The following FRMD6 variants were observed in gnomAD, a reference collection of about 807,000 sequenced individuals.
FRMD6 encodes the protein FERM domain containing 6, also known as FERM domain-containing protein 6.
FRMD6 carries 37 observed loss-of-function variants against 73.2 expected under a neutral mutation model. That is an observed-to-expected ratio of 0.51 (90% CI 0.39 to 0.66). The LOEUF is 0.66. Among genes scored for constraint, FRMD6 ranks in the 30% least tolerant of loss-of-function variants. FRMD6 has a pLI of 0.00. For missense variants in FRMD6, 714 were observed against 780.5 expected, an observed-to-expected ratio of 0.91 and a Z score of 1.02; for synonymous variants, 273 against 282.2, an observed-to-expected ratio of 0.97 and a Z score of 0.33.
the FRMD6 span, among the ~76,000 whole-genome samples, chr14:51,465,259 T>C: frequency 6.6e-6 from 1 of 152,206 alleles, no homozygotes; most frequent in South Asian, 2.1e-4. Flanking sequence ...CTAATAAGTT[T>C]ACTGAAAAAA....
At chr14:51,470,620 A>G in the FRMD6 span, among the ~76,000 whole-genome samples, 3 of 151,942 alleles carry the variant, frequency 2.0e-5, no homozygotes, top group Non-Finnish European at 4.4e-5. Context: ...TATTTTTATC[A>G]TTCTCTGATT....
chr14:51,487,821 C>G (rs1189133510), upstream of FRMD6, among the ~76,000 whole-genome samples: 8 of 152,148 alleles, frequency 5.3e-5, no homozygotes, highest in Non-Finnish European at 7.4e-5. Flanking sequence ...GAAATCCCCC[C>G]ACTGATACTG....
intron 6 of FRMD6, 96 bp downstream of exon 6, chr14:51,705,031 A>C: frequency 8.7e-7 from 1 of 1,148,980 alleles, no homozygotes; most frequent in Non-Finnish European, 1.2e-6. Flanking sequence ...GGGAACACAG[A>C]TGTTCTGTGG....
At chr14:51,452,211 T>C in the FRMD6 span, among the ~76,000 whole-genome samples, 1 of 152,022 alleles carries the variant, frequency 6.6e-6, no homozygotes, top group Non-Finnish European at 1.5e-5. Flanking sequence ...ATTTAGGAAA[T>C]TAAATTAGCT....
intron 2 of FRMD6, among the ~76,000 whole-genome samples, chr14:51,592,336 G>A (rs1338142370): frequency 6.6e-6 from 1 of 152,090 alleles, no homozygotes; most frequent in Non-Finnish European, 1.5e-5. Context: ...AAAGGCATTT[G>A]GGTTATTGCG....
At chr14:51,720,450 G>T in intron 11 of FRMD6, 60 bp downstream of exon 11, 1 of 1,519,764 alleles carries the variant, frequency 6.6e-7, no homozygotes, top group Non-Finnish European at 9.1e-7. Flanking sequence ...TCAAGCATTG[G>T]TTCTATAGAA....
At chr14:51,477,736 T>C in the FRMD6 span, among the ~76,000 whole-genome samples, 1 of 68,682 alleles carries the variant, frequency 1.5e-5, no homozygotes, top group African/African-American at 6.9e-5. Flanking sequence ...CTTTTCTTTT[T>C]CTTTTTTTTT....
intron 1 of FRMD6, among the ~76,000 whole-genome samples, chr14:51,537,869 T>TG (rs1885983997): frequency 6.6e-6 from 1 of 152,240 alleles, no homozygotes; most frequent in Non-Finnish European, 1.5e-5. Flanking sequence ...TTTTTATTGC[T>TG]GACTTTTAAG....
intron 2 of FRMD6, among the ~76,000 whole-genome samples, chr14:51,576,593 C>T (rs1888417555): frequency 6.6e-6 from 1 of 152,138 alleles, no homozygotes; most frequent in African/African-American, 2.4e-5. Flanking sequence ...GAGTGGATAT[C>T]ACCTTGTACT....
chr14:51,409,054 C>T, the FRMD6 span, among the ~76,000 whole-genome samples: 1 of 152,156 alleles, frequency 6.6e-6, no homozygotes, highest in Admixed American at 6.5e-5. Flanking sequence ...TTCTCACCAT[C>T]CCACAGTTTG....
At chr14:51,524,236 G>A (rs1885104632) in intron 1 of FRMD6, among the ~76,000 whole-genome samples, 1 of 151,994 alleles carries the variant, frequency 6.6e-6, no homozygotes, top group South Asian at 2.1e-4. Context: ...ATTTTTCTGT[G>A]CCCCACCTCC....
At chr14:51,703,725 G>T (rs1210564259) in intron 5 of FRMD6, among the ~76,000 whole-genome samples, 1 of 151,932 alleles carries the variant, frequency 6.6e-6, no homozygotes, top group African/African-American at 2.4e-5. Context: ...CTGTCCTAAG[G>T]GGGGAAAATT....
chr14:51,436,814 G>A, the FRMD6 span: 4 of 546,188 alleles, frequency 7.3e-6, no homozygotes, highest in Middle Eastern at 1.1e-3. Flanking sequence ...AGATGATGAT[G>A]AAGATGAAGA....
At chr14:51,618,765 T>G (rs1566506297) in intron 2 of FRMD6, among the ~76,000 whole-genome samples, 1 of 152,126 alleles carries the variant, frequency 6.6e-6, no homozygotes, top group Non-Finnish European at 1.5e-5. Context: ...ACTTGTGATT[T>G]GCTTTCAGAA....
chr14:51,696,337 A>G (rs1489963025), intron 2 of FRMD6, among the ~76,000 whole-genome samples: 1 of 151,352 alleles, frequency 6.6e-6, no homozygotes, highest in African/African-American at 2.4e-5. Flanking sequence ...TGTCCTCCAT[A>G]ATACTACTTT....
intron 1 of FRMD6, among the ~76,000 whole-genome samples, chr14:51,500,356 G>A (rs1261210898): frequency 1.3e-5 from 2 of 151,988 alleles, no homozygotes; most frequent in Admixed American, 6.6e-5. Context: ...GTGAAACCCT[G>A]TCTCTACTAA....
At chr14:51,437,682 T>C in the FRMD6 span, among the ~76,000 whole-genome samples, 1 of 152,238 alleles carries the variant, frequency 6.6e-6, no homozygotes, top group South Asian at 2.1e-4. Flanking sequence ...TTTCCTCTTG[T>C]GCTCAGTCGC....
chr14:51,399,073 G>A, the FRMD6 span, among the ~76,000 whole-genome samples: 1 of 152,166 alleles, frequency 6.6e-6, no homozygotes, highest in African/African-American at 2.4e-5. Flanking sequence ...TCCTAGCCAA[G>A]CCCTTTTCCT....
At chr14:51,510,624 A>T (rs946198531) in intron 1 of FRMD6, among the ~76,000 whole-genome samples, 8 of 152,168 alleles carry the variant, frequency 5.3e-5, no homozygotes, top group African/African-American at 1.9e-4. Context: ...AGTTTGTGTT[A>T]TTTTCTTTGT....
Sources: allele counts gnomAD v4.1 joint callset (sites outside exome capture counted in the v4.1 genomes callset), GRCh38; gene constraint gnomAD v4.1.1; transcripts MANE v1.5; gene names NCBI Gene and HGNC (gene_info 2026-07-23, HGNC 2026-07-21).